Variants in CAGE1 observed in about 807,000 individuals in gnomAD.
CAGE1 encodes cancer antigen 1.
CAGE1 carries 66 observed loss-of-function variants against 94.9 expected under a neutral mutation model. The ratio of observed to expected loss-of-function variants is 0.70; its 90% CI spans 0.57 to 0.85. The LOEUF is 0.85. CAGE1 is among the 40% of genes least tolerant of loss of function. CAGE1 has a pLI of 0.00. For missense variants in CAGE1, 865 were observed against 950.4 expected, an observed-to-expected ratio of 0.91 and a Z score of 1.18; for synonymous variants, 319 against 321.0, an observed-to-expected ratio of 0.99 and a Z score of 0.07.
In CAGE1 at chr6:7,373,934, G is replaced by A. The variant is rs1336034551; in HGVS notation, c.885C>T (p.Ser295=). 6.2e-7 allele frequency: 1 copy of A among 1,614,010 alleles called. No homozygotes were observed. Residue 295 remains serine, a synonymous_variant, in exon 5 of 14, where the codon AGC becomes AGT. Coordinates refer to ENST00000502583, the MANE Select transcript of CAGE1 (RefSeq NM_001170692.2). ...CCATGTCCTCTTGAACAGGTTGTAA[G>A]CTTTCAGCACTTTGCTCCCAGTCAG... is the stretch of plus-strand genomic sequence containing the variant. ...EMPDWEQSAE[S]LQPVQEDMAL... is the part of the protein sequence containing the mutation.
rs950613807 is a variant in CAGE1 at position 7,351,091 on chromosome 6, C to A, written c.2369+3950G>T. Among the ~76,000 whole-genome samples the A allele has an allele frequency of 5.9e-5, 9 of 151,972 alleles. No individual in the cohort carries two copies. The South Asian group carries it at 1.9e-3, about 32-fold the overall frequency. Reference sequence around the variant, plus strand: ...AGAAAAGGAGAGAAAATCTAAATAACCTCATTAAGAAATGAAATAGCAGAT... The same window carrying A: ...AGAAAAGGAGAGAAAATCTAAATAAACTCATTAAGAAATGAAATAGCAGAT... On this transcript the variant is annotated intron_variant, in intron 11 of 13. Coordinates refer to ENST00000502583, the MANE Select transcript of CAGE1 (RefSeq NM_001170692.2).
intron 11 of CAGE1, chr6:7,340,907 G>A (rs969841077): frequency 2.1e-5 from 9 of 420,920 alleles, no homozygotes; most frequent in South Asian, 6.1e-5. Flanking sequence ...GGGGGAGCTC[G>A]TCTGCAAAGA....
intron 9 of CAGE1, 137 bp downstream of exon 9, chr6:7,365,331 T>C (rs775318238): frequency 7.5e-5 from 48 of 636,994 alleles, no homozygotes; most frequent in Non-Finnish European, 1.2e-4. Flanking sequence ...TTATTGTGGG[T>C]AAATAATAAT....
rs183080949 is a variant in CAGE1 at position 7,363,794 on chromosome 6, C to A, written c.2193+1674G>T. Reference sequence around the variant, plus strand: ...CAAGTATTGGTCAATATGACTCATTCATTAAAAACTCCTTATTAATCTTGA... The same window carrying A: ...CAAGTATTGGTCAATATGACTCATTAATTAAAAACTCCTTATTAATCTTGA... On this transcript the variant is annotated intron_variant, in intron 9 of 13. Coordinates refer to ENST00000502583, the MANE Select transcript of CAGE1 (RefSeq NM_001170692.2). 3.9e-5 allele frequency among the ~76,000 whole-genome samples: 6 copies of A among 152,302 alleles called. 1 individual carries two copies. Among genetic ancestry groups the A allele is most frequent in the Admixed American group, 3.3e-4 (5 of 15,306 alleles).
chr6:7,336,743 C>T (rs532714230), intron 11 of CAGE1, among the ~76,000 whole-genome samples: 2 of 152,304 alleles, frequency 1.3e-5, no homozygotes, highest in South Asian at 4.1e-4. Context: ...CTCCTGGACT[C>T]AAGTGATCCT....
rs988708300 is a variant in CAGE1, at chr6:7,373,542, G to T, written c.1277C>A (p.Thr426Asn). ...AGATTTATTTTTTTGTTGCATTTCA[G>T]TCATGTACCTTTCCTGTAAACACAC... ...NYVCLQERYMTEMQQKNKSVS... is the reference protein window; with the variant it reads ...NYVCLQERYMNEMQQKNKSVS... The change falls in exon 5 of 14, where the codon ACT (threonine) becomes AAT (asparagine). Residue 426 changes from threonine to asparagine, a missense_variant. Physicochemically the swap from Thr to Asn is moderately conservative, Grantham distance 65. Coordinates refer to ENST00000502583, the MANE Select transcript of CAGE1 (RefSeq NM_001170692.2). 6.2e-6 allele frequency: 10 copies of T among 1,613,266 alleles called. No homozygotes were observed. The African/African-American group carries it at 9.4e-5, about 15-fold the overall frequency.
chr6:7,340,837 C>A (rs928371376), intron 11 of CAGE1: 6 of 410,170 alleles, frequency 1.5e-5, no homozygotes, highest in African/African-American at 1.0e-4. Context: ...GCTTCACTAG[C>A]AAAGCCTGCT....
intron 9 of CAGE1, among the ~76,000 whole-genome samples, chr6:7,359,470 C>A (rs1263512994): frequency 6.6e-6 from 1 of 152,148 alleles, no homozygotes; most frequent in East Asian, 1.9e-4. Flanking sequence ...TTGTGATGGG[C>A]CTCACTGACT....
intron 13 of CAGE1, among the ~76,000 whole-genome samples, chr6:7,328,853 GTAC>G (rs1758620735): frequency 6.7e-6 from 1 of 148,958 alleles, no homozygotes; most frequent in South Asian, 2.1e-4. Flanking sequence ...ATGCATGGAA[GTAC>G]TACTCTGTAT....
At position 7,326,903 on chromosome 6, in the gene CAGE1, A is replaced by C. The variant is rs1758558653; in HGVS notation, c.2479-4T>G. ...TTTCTTTAAAAAGAGCTGGCATCTAAAAATGAAAGGAAAAATGTTTCGTAA... is the reference window on the plus strand; with the variant it reads ...TTTCTTTAAAAAGAGCTGGCATCTACAAATGAAAGGAAAAATGTTTCGTAA... On this transcript the variant is annotated splice_polypyrimidine_tract_variant and splice_region_variant and intron_variant, in intron 13 of 13. Coordinates refer to ENST00000502583, the MANE Select transcript of CAGE1 (RefSeq NM_001170692.2). 6.3e-7 allele frequency: 1 copy of C among 1,582,864 alleles called. No homozygotes were observed. Among genetic ancestry groups the C allele is most frequent in the South Asian group, 1.1e-5 (1 of 90,334 alleles).
intron 9 of CAGE1, among the ~76,000 whole-genome samples, chr6:7,360,841 G>T (rs1236565371): frequency 6.6e-6 from 1 of 152,104 alleles, no homozygotes; most frequent in African/African-American, 2.4e-5. Flanking sequence ...CAGCTACTTG[G>T]GAGGCTGAGG....
Position 7,373,725 on chromosome 6 carries a change from A to G in CAGE1, c.1094T>C (p.Ile365Thr). Residue 365 changes from isoleucine (I) to threonine (T), a missense_variant, in exon 5 of 14, where the codon ATT (isoleucine) becomes ACT (threonine). Physicochemically the swap from Ile to Thr is moderately conservative, Grantham distance 89. Coordinates refer to ENST00000502583, the MANE Select transcript of CAGE1 (RefSeq NM_001170692.2). ...NKLKENVEEL[I>T]EDKYKIILEK... ...TAGGATTATTTTGTATTTGTCTTCA[A>G]TTAATTCTTCAACATTCTCCTTTAG... 5 of 1,612,690 alleles carry G rather than the reference A, an allele frequency of 3.1e-6. No homozygotes were observed. The highest frequency in any genetic ancestry group is 1.7e-5 in the Admixed American group (1 of 59,910).
chr6:7,336,131 G>A (rs930545380), intron 11 of CAGE1, among the ~76,000 whole-genome samples: 7 of 152,184 alleles, frequency 4.6e-5, no homozygotes, highest in South Asian at 2.1e-4. Flanking sequence ...CAGACTCTGT[G>A]TATACCAAAA....
At chr6:7,385,905 G>T in intron 2 of CAGE1, 33 bp from the exon 3 acceptor site, 2 of 1,146,930 alleles carry the variant, frequency 1.7e-6, no homozygotes, top group Non-Finnish European at 2.5e-6. Context: ...AATACTTCAA[G>T]CAAACATCAC....
chr6:7,345,362 T>G (rs1759431327), intron 11 of CAGE1, among the ~76,000 whole-genome samples: 2 of 82,772 alleles, frequency 2.4e-5, no homozygotes, highest in South Asian at 7.1e-4. Flanking sequence ...TCTGAACACA[T>G]CAGAACATCA....
intron 1 of CAGE1, among the ~76,000 whole-genome samples, chr6:7,388,073 G>C (rs888707109): frequency 1.3e-5 from 2 of 148,878 alleles, no homozygotes; most frequent in Non-Finnish European, 3.0e-5. Context: ...AGTAACCTGT[G>C]CTTTCTTTCC....
intron 9 of CAGE1, among the ~76,000 whole-genome samples, chr6:7,358,857 G>A (rs1354709835): frequency 1.3e-5 from 2 of 152,118 alleles, no homozygotes; most frequent in Non-Finnish European, 2.9e-5. Flanking sequence ...TAGAATAATG[G>A]TAGGTGTGTG....
chr6:7,385,087 C>A (rs1581701886), intron 3 of CAGE1, among the ~76,000 whole-genome samples: 1 of 152,104 alleles, frequency 6.6e-6, no homozygotes, highest in Non-Finnish European at 1.5e-5. Context: ...CTCACAGCAA[C>A]CTCCACCTCC....
intron 12 of CAGE1, among the ~76,000 whole-genome samples, chr6:7,330,107 G>A (rs953444585): frequency 1.3e-5 from 2 of 152,164 alleles, no homozygotes; most frequent in Non-Finnish European, 2.9e-5. Context: ...AAACAATGAG[G>A]CAGGTTGCGG....
Sources: allele counts gnomAD v4.1 joint callset (sites outside exome capture counted in the v4.1 genomes callset), GRCh38; gene constraint gnomAD v4.1.1; transcripts MANE v1.5; gene names NCBI Gene and HGNC (gene_info 2026-07-23, HGNC 2026-07-21).